Variants in SCD5 observed in about 807,000 individuals in gnomAD.
SCD5 encodes acyl-CoA-desaturase 4.
Under a neutral mutation model 30.4 loss-of-function variants are expected in SCD5, and 20 were observed. The ratio of observed to expected loss-of-function variants is 0.66; its 90% CI spans 0.46 to 0.96. SCD5 has a LOEUF of 0.96. Among genes scored for constraint, SCD5 ranks in the 40% least tolerant of loss-of-function variants. SCD5 has a pLI of 0.00. For synonymous variants in SCD5, 173 were observed against 176.4 expected (o/e 0.98, Z 0.16); for missense variants, 381 against 443.3 (o/e 0.86, Z 1.26).
chr4:82,786,802 A>G lies in SCD5; in HGVS notation c.232+11504T>C, dbSNP rs544329512. 1.1e-3 allele frequency among the ~76,000 whole-genome samples: 174 copies of G among 151,744 alleles called. 1 individual carries two copies. Among genetic ancestry groups the G allele is most frequent in the African/African-American group, 3.7e-3 (155 of 41,400 alleles). Reference sequence around the variant, plus strand: ...AGCGAGACTTTGCCTTAAAAAAAAAAAAAAAAAAACAAGGCAATCTTCAAA... The same window carrying G: ...AGCGAGACTTTGCCTTAAAAAAAAAGAAAAAAAAACAAGGCAATCTTCAAA... On this transcript the variant is annotated intron_variant, in intron 1 of 4. Coordinates refer to ENST00000319540, the MANE Select transcript of SCD5 (RefSeq NM_001037582.3).
intron 1 of SCD5, among the ~76,000 whole-genome samples, chr4:82,797,785 A>G (rs1722257444): frequency 6.6e-6 from 1 of 151,148 alleles, no homozygotes; most frequent in Non-Finnish European, 1.5e-5. Flanking sequence ...GTAAACCAAG[A>G]CTCTATCCTG....
chr4:82,667,507 G>A (rs1410682916), intron 3 of SCD5, among the ~76,000 whole-genome samples: 1 of 152,108 alleles, frequency 6.6e-6, no homozygotes, highest in Non-Finnish European at 1.5e-5. Context: ...AATCATCTCT[G>A]TCTTGTATCC....
chr4:82,714,997 G>A (rs1332563986), intron 1 of SCD5, among the ~76,000 whole-genome samples: 3 of 151,684 alleles, frequency 2.0e-5, no homozygotes, highest in African/African-American at 7.3e-5. Context: ...AGCACTTTGG[G>A]AGGCTGAGGC....
intron 1 of SCD5, among the ~76,000 whole-genome samples, chr4:82,756,914 G>C (rs1198300581): frequency 1.3e-5 from 2 of 152,110 alleles, no homozygotes; most frequent in Non-Finnish European, 2.9e-5. Context: ...CACCCAGGCT[G>C]GAGTGTTGTG....
rs1368538181 is a variant in SCD5 at position 82,798,436 on chromosome 4, C to T, written c.102G>A (p.Glu34=). Residue 34 remains glutamate (E), a synonymous_variant, in exon 1 of 5, where the codon GAG becomes GAA. Coordinates refer to ENST00000319540, the MANE Select transcript of SCD5 (RefSeq NM_001037582.3). ...GCCGCTGCCCGCGCGCGCCTGGCCT[C>T]TCCGGGCCGCCGCCGCCCTCAGAGC... ...LESSEGGGGP[E]RPGARGQRQN... 2 of 1,613,172 alleles carry T rather than the reference C, an allele frequency of 1.2e-6. No homozygotes were observed. The highest frequency in any genetic ancestry group is 1.7e-6 in the Non-Finnish European group (2 of 1,179,632).
intron 1 of SCD5, among the ~76,000 whole-genome samples, chr4:82,753,712 A>G (rs1025010391): frequency 2.0e-5 from 3 of 152,124 alleles, no homozygotes; most frequent in African/African-American, 7.2e-5. Context: ...AAATGCATCC[A>G]TATTTGCCTC....
chr4:82,650,012 C>T (rs899758244), intron 3 of SCD5, among the ~76,000 whole-genome samples: 3 of 152,184 alleles, frequency 2.0e-5, no homozygotes, highest in Admixed American at 1.3e-4. Flanking sequence ...TGAAACTCCA[C>T]GAGTGGTGAT....
chr4:82,722,197 T>C (rs1433962935), intron 1 of SCD5, among the ~76,000 whole-genome samples: 2 of 152,334 alleles, frequency 1.3e-5, no homozygotes, highest in Non-Finnish European at 2.9e-5. Flanking sequence ...TTGTGAAAAA[T>C]CTTAAATAAT....
At chr4:82,647,356 T>C (rs1727653659) in intron 3 of SCD5, among the ~76,000 whole-genome samples, 1 of 151,818 alleles carries the variant, frequency 6.6e-6, no homozygotes, top group Non-Finnish European at 1.5e-5. Context: ...CTTTAACAAC[T>C]CAATAATAAG....
intron 2 of SCD5, among the ~76,000 whole-genome samples, chr4:82,701,338 T>C (rs968880250): frequency 2.6e-5 from 4 of 151,992 alleles, no homozygotes; most frequent in East Asian, 3.9e-4. Flanking sequence ...AATACACAAA[T>C]AAAAAGTAAG....
intron 1 of SCD5, among the ~76,000 whole-genome samples, chr4:82,763,082 G>A (rs1213171900): frequency 6.6e-6 from 1 of 152,186 alleles, no homozygotes; most frequent in Admixed American, 6.5e-5. Context: ...CACTGTTCCT[G>A]GGGAGGACAG....
At chr4:82,737,201 A>G (rs185319222) in intron 1 of SCD5, among the ~76,000 whole-genome samples, 1 of 152,306 alleles carries the variant, frequency 6.6e-6, no homozygotes, top group African/African-American at 2.4e-5. Flanking sequence ...ATAATTTGCC[A>G]GTTTAACGGC....
intron 3 of SCD5, among the ~76,000 whole-genome samples, chr4:82,650,547 T>C (rs1490645424): frequency 6.6e-6 from 1 of 152,110 alleles, no homozygotes; most frequent in Non-Finnish European, 1.5e-5. Context: ...AATACAAAAA[T>C]TAGCCAGGCA....
chr4:82,735,306 C>T (rs1020117782), intron 1 of SCD5, among the ~76,000 whole-genome samples: 6 of 152,236 alleles, frequency 3.9e-5, no homozygotes, highest in Non-Finnish European at 7.4e-5. Context: ...CGTGTCTACA[C>T]GGTCCAGATC....
At chr4:82,712,740 T>G (rs756336998) in intron 1 of SCD5, among the ~76,000 whole-genome samples, 2 of 152,182 alleles carry the variant, frequency 1.3e-5, no homozygotes, top group Admixed American at 1.3e-4. Flanking sequence ...TGTGTGTGCA[T>G]GCGCACATGT....
In SCD5 at chr4:82,737,076, T is replaced by G. The variant is rs180693028; in HGVS notation, c.233-31663A>C. On this transcript the variant is annotated intron_variant, in intron 1 of 4. Coordinates refer to ENST00000319540, the MANE Select transcript of SCD5 (RefSeq NM_001037582.3). Reference sequence around the variant, plus strand: ...ACATATACTAGCTCAAAGGATATGATGTTCCATGGTTTACTACACTTCGCC... The same window carrying G: ...ACATATACTAGCTCAAAGGATATGAGGTTCCATGGTTTACTACACTTCGCC... 1.3e-3 allele frequency among the ~76,000 whole-genome samples: 197 copies of G among 152,350 alleles called. 1 individual carries two copies. The highest frequency in any genetic ancestry group is 4.6e-3 in the African/African-American group (192 of 41,582).
chr4:82,676,036 G>A (rs1489858786), intron 3 of SCD5, among the ~76,000 whole-genome samples: 1 of 152,166 alleles, frequency 6.6e-6, no homozygotes, highest in Non-Finnish European at 1.5e-5. Context: ...GAGACAAGTG[G>A]ATAGGTTGTA....
Position 82,694,623 on chromosome 4 carries a change from AC to A in SCD5, c.363+10659del, listed in dbSNP as rs1259237230. ...TGCACAGTGACTGACGAATGTTTGT[AC>A]CCCCACCATGTGGCAACTTTGAATC... On this transcript the variant is annotated intron_variant, in intron 2 of 4. Coordinates refer to ENST00000319540, the MANE Select transcript of SCD5 (RefSeq NM_001037582.3). 3.3e-5 allele frequency among the ~76,000 whole-genome samples: 5 copies of A among 152,098 alleles called. No homozygotes were observed. In the East Asian group the frequency reaches 5.8e-4, roughly 18 times the overall value.
chr4:82,733,318 C>T (rs115352612), intron 1 of SCD5, among the ~76,000 whole-genome samples: 1,818 of 152,238 alleles, frequency 0.012, 21 homozygotes, highest in South Asian at 0.035. Context: ...GCTCTGGTGC[C>T]CTGTTACGAT....
Sources: allele counts gnomAD v4.1 joint callset (sites outside exome capture counted in the v4.1 genomes callset), GRCh38; gene constraint gnomAD v4.1.1; transcripts MANE v1.5; gene names NCBI Gene and HGNC (gene_info 2026-07-23, HGNC 2026-07-21).